The following EFHD1 variants were observed in gnomAD, a reference collection of about 807,000 sequenced individuals.
EFHD1 encodes EF-hand domain family member D1.
Under a neutral mutation model 17.2 loss-of-function variants are expected in EFHD1, and 10 were observed. The ratio of observed to expected loss-of-function variants is 0.58; its 90% confidence interval spans 0.36 to 0.99. The LOEUF is 0.99. Ranked by LOEUF, EFHD1 falls within the 50% of genes least tolerant of loss-of-function variation. The pLI is 0.01. For missense variants in EFHD1, 310 were observed against 327.5 expected (o/e 0.95, Z 0.41); for synonymous variants, 153 against 142.0 (o/e 1.08, Z -0.55).
At chr2:232,626,821 G>A (rs976107618) in intron 1 of EFHD1, among the ~76,000 whole-genome samples, 5 of 151,984 alleles carry the variant, frequency 3.3e-5, no homozygotes, top group African/African-American at 9.7e-5. Context: ...TGAACAAAGT[G>A]AGCCTGTCAC....
intron 3 of EFHD1, among the ~76,000 whole-genome samples, chr2:232,673,088 A>T (rs913546377): frequency 3.9e-5 from 6 of 152,208 alleles, no homozygotes; most frequent in African/African-American, 1.2e-4. Context: ...GCCCATCTCC[A>T]GCAAAGCTGG....
Position 232,606,063 on chromosome 2 carries a change from T to C in EFHD1, c.-97T>C, listed in dbSNP as rs1693705408. 2.9e-6 allele frequency: 4 copies of C among 1,394,460 alleles called. No homozygotes were observed. The Admixed American group carries it at 5.9e-5, about 21-fold the overall frequency. 86.4% of individuals were successfully genotyped at this position (1,394,460 alleles called of 1,614,324 possible). ...GCCGGCTTCCGAGAGCCCCGCTAAGTGCAGGCGGATACCCCGGCCTTGGCG... is the reference window on the plus strand; with the variant it reads ...GCCGGCTTCCGAGAGCCCCGCTAAGCGCAGGCGGATACCCCGGCCTTGGCG... On this transcript the variant is annotated 5_prime_UTR_variant, in exon 1 of 4. Transcript: ENST00000409613.
chr2:232,661,404 C>T (rs1198467654), intron 1 of EFHD1, among the ~76,000 whole-genome samples: 1 of 152,130 alleles, frequency 6.6e-6, no homozygotes, highest in Non-Finnish European at 1.5e-5. Flanking sequence ...TGGCACCATA[C>T]AGCATTTGCC....
At chr2:232,678,152 G>A (rs57258878) in intron 3 of EFHD1, among the ~76,000 whole-genome samples, 4,937 of 151,824 alleles carry the variant, frequency 0.033, 184 homozygotes, top group East Asian at 0.21. Context: ...GCGTGGTGGC[G>A]TGTACCTGTC....
intron 3 of EFHD1, among the ~76,000 whole-genome samples, chr2:232,675,982 C>T (rs1695163846): frequency 6.6e-6 from 1 of 152,030 alleles, no homozygotes; most frequent in Non-Finnish European, 1.5e-5. Flanking sequence ...TTGAGACCAG[C>T]CTGGCCAACA....
rs1237636169 is a variant in EFHD1, at chr2:232,633,921, C to T, written c.217C>T (p.Arg73Trp). Residue 73 changes from arginine to tryptophan, a missense_variant, in exon 1 of 4, where the codon CGG (arginine) becomes TGG (tryptophan). By Grantham distance (101) the Arg-to-Trp change is moderately radical. Transcript: ENST00000264059. ...CATCAACGAGGGCGCTGCGCGGCCC[C>T]GGCGCTGCAGGGTCTTCAACCCCTA... ...LDINEGAARP[R>W]RCRVFNPYTE... 1.1e-5 allele frequency: 18 copies of T among 1,587,992 alleles called. No individual in the cohort carries two copies. Among genetic ancestry groups the T allele is most frequent in the East Asian group, 2.3e-5 (1 of 42,796 alleles).
chr2:232,665,968 T>C (rs997353820), intron 2 of EFHD1, among the ~76,000 whole-genome samples: 18 of 152,202 alleles, frequency 1.2e-4, no homozygotes, highest in Non-Finnish European at 2.4e-4. Context: ...ATTACAGGCA[T>C]GAGCCCCCAC....
rs1453822048 is a variant in EFHD1 at position 232,672,303 on chromosome 2, C to G, written c.451-6C>G. Reference sequence around the variant, plus strand: ...ACTCTGGTTCCCTACTTTCTTTCCCCTGTAGTTCCTGCTCATTTTCCACAA... The same window carrying G: ...ACTCTGGTTCCCTACTTTCTTTCCCGTGTAGTTCCTGCTCATTTTCCACAA... On this transcript the variant is annotated splice_polypyrimidine_tract_variant and splice_region_variant and intron_variant, in intron 2 of 3. Coordinates refer to ENST00000264059, the MANE Select transcript of EFHD1 (RefSeq NM_025202.4). 2 of 1,614,192 alleles carry G rather than the reference C, an allele frequency of 1.2e-6. No homozygotes were observed. The highest frequency in any genetic ancestry group is 8.5e-7 in the Non-Finnish European group (1 of 1,180,038).
intron 3 of EFHD1, among the ~76,000 whole-genome samples, chr2:232,675,500 G>C (rs751745277): frequency 2.0e-5 from 3 of 152,174 alleles, no homozygotes; most frequent in Admixed American, 6.5e-5. Flanking sequence ...CTGCACACCG[G>C]CTTCCCAGGC....
intron 1 of EFHD1, among the ~76,000 whole-genome samples, chr2:232,618,716 C>CTT (rs1458983063): frequency 1.1e-5 from 1 of 93,706 alleles, no homozygotes; most frequent in South Asian, 3.0e-4. Flanking sequence ...GAGCAAGACT[C>CTT]TGTCTCAAAA....
chr2:232,607,988 A>G (rs2106179210), intron 1 of EFHD1, among the ~76,000 whole-genome samples: 1 of 152,198 alleles, frequency 6.6e-6, no homozygotes, highest in Non-Finnish European at 1.5e-5. Flanking sequence ...ACCACTAACA[A>G]GATAATATGG....
In EFHD1 at chr2:232,645,762, A is replaced by G. The variant is rs75913127; in HGVS notation, c.302+11756A>G. Among the ~76,000 whole-genome samples the G allele has an allele frequency of 2.0e-3, 309 of 152,310 alleles. 3 individuals carry two copies. Among genetic ancestry groups the G allele is most frequent in the Admixed American group, 0.014 (211 of 15,296 alleles). On this transcript the variant is annotated intron_variant, in intron 1 of 3. Coordinates refer to ENST00000264059, the MANE Select transcript of EFHD1 (RefSeq NM_025202.4). ...TGCTTCACGACACTCCAAAGGAGGT[A>G]CGATATCAGACCCCATTTCACAGAT...
At chr2:232,655,559 T>G (rs1694745392) in intron 1 of EFHD1, among the ~76,000 whole-genome samples, 1 of 152,220 alleles carries the variant, frequency 6.6e-6, no homozygotes, top group Non-Finnish European at 1.5e-5. Context: ...TGACTGGGAC[T>G]CCGTGTAACA....
At chr2:232,655,802 C>CT (rs66762860) in intron 1 of EFHD1, among the ~76,000 whole-genome samples, 3,166 of 132,958 alleles carry the variant, frequency 0.024, 97 homozygotes, top group African/African-American at 0.057. Flanking sequence ...TGTGTGGGGT[C>CT]TTTTTTTTTT....
chr2:232,681,523 G>T, intron 3 of EFHD1, 62 bp from the exon 4 acceptor site: 2 of 1,572,880 alleles, frequency 1.3e-6, no homozygotes, highest in South Asian at 2.4e-5. Flanking sequence ...TCAGGTGTCA[G>T]CAGCTCCAGG....
chr2:232,654,339 G>A (rs191670037), intron 1 of EFHD1, among the ~76,000 whole-genome samples: 1 of 151,876 alleles, frequency 6.6e-6, no homozygotes, highest in Admixed American at 6.6e-5. Context: ...GGCCTGAAAG[G>A]AAGGTTTCCC....
At chr2:232,658,967 T>C (rs942408466) in intron 1 of EFHD1, among the ~76,000 whole-genome samples, 1 of 152,122 alleles carries the variant, frequency 6.6e-6, no homozygotes, top group African/African-American at 2.4e-5. Flanking sequence ...CCTCAAGTCA[T>C]TTTCAGTGAA....
chr2:232,663,431 G>A (rs1262154529), intron 2 of EFHD1, among the ~76,000 whole-genome samples: 9 of 151,988 alleles, frequency 5.9e-5, no homozygotes, highest in African/African-American at 1.2e-4. Context: ...GAGTGCAATG[G>A]TGTGATCTCA....
intron 1 of EFHD1, among the ~76,000 whole-genome samples, chr2:232,621,258 A>G (rs1311371007): frequency 6.6e-6 from 1 of 152,072 alleles, no homozygotes. Context: ...TGCAGATATG[A>G]AAGGGGTACA....
Sources: allele counts gnomAD v4.1 joint callset (sites outside exome capture counted in the v4.1 genomes callset), GRCh38; gene constraint gnomAD v4.1.1; transcripts MANE v1.5; gene names NCBI Gene and HGNC (gene_info 2026-07-23, HGNC 2026-07-21).